SMPX: variants seen among roughly 807,000 people sequenced by gnomAD.
SMPX encodes small muscle protein X-linked.
A neutral mutation model predicts 6.3 loss-of-function variants in SMPX; 2 were observed. The ratio of observed to expected loss-of-function variants is 0.32; its 90% confidence interval spans 0.13 to 0.99. The LOEUF (loss-of-function observed/expected upper bound fraction) is 0.99, where lower values mean the gene tolerates loss of function less well. SMPX is among the 50% of genes least tolerant of loss of function. The pLI is 0.49. For missense variants in SMPX, 60 were observed against 66.8 expected (o/e 0.90, Z 0.36); for synonymous variants, 32 against 24.7 (o/e 1.30, Z -0.88).
chrX:21,734,122 C>T (rs1478796580), intron 4 of SMPX, among the ~76,000 whole-genome samples: 1 of 112,237 alleles, frequency 8.9e-6, no homozygotes, highest in Admixed American at 9.5e-5. Context: ...TTTTATCTTT[C>T]CATCAAGACT....
At chrX:21,726,150 A>G (rs772974024) in intron 4 of SMPX, among the ~76,000 whole-genome samples, 1 of 112,024 alleles carries the variant, frequency 8.9e-6, no homozygotes, top group Admixed American at 9.4e-5. Context: ...TACGTGCCAG[A>G]GCTGCAAGTG....
intron 2 of SMPX, among the ~76,000 whole-genome samples, chrX:21,748,052 A>G (rs1281969202): frequency 2.7e-5 from 3 of 112,337 alleles, no homozygotes; most frequent in Non-Finnish European, 5.6e-5. Flanking sequence ...TTTACAGAAG[A>G]CTTCAGAAAG....
At chrX:21,740,108 T>G (rs1398859410) in intron 3 of SMPX, among the ~76,000 whole-genome samples, 1 of 111,991 alleles carries the variant, frequency 8.9e-6, no homozygotes, top group East Asian at 2.8e-4. Context: ...TAATTAGACA[T>G]GATATTGACT....
chrX:21,715,257 C>G (rs898372927), intron 4 of SMPX, among the ~76,000 whole-genome samples: 1 of 97,774 alleles, frequency 1.0e-5, no homozygotes. Flanking sequence ...GTAACTCACT[C>G]TGCTCTGTGT....
intron 4 of SMPX, among the ~76,000 whole-genome samples, chrX:21,731,452 CATAATGTGTGTATGTGT>C (rs2092803314): frequency 1.1e-5 from 1 of 88,855 alleles, no homozygotes; most frequent in African/African-American, 4.1e-5. Flanking sequence ...TACACATACA[CATAATGTGTGTATGTGT>C]ACACATACAC....
At chrX:21,718,310 G>A (rs984283277) in intron 4 of SMPX, among the ~76,000 whole-genome samples, 6 of 112,205 alleles carry the variant, frequency 5.3e-5, no homozygotes, top group Admixed American at 1.9e-4. Context: ...GAAAAGAGGG[G>A]TCAAACATAT....
chrX:21,731,563 T>C lies in SMPX; in HGVS notation c.*14+5986A>G, dbSNP rs1374247203. On this transcript the variant is annotated intron_variant, in intron 4 of 4. Transcript: ENST00000379494. ...TGTGTGTATGTGTATATATACACAT[T>C]ATGTGTATATGTGTATATGTGTATA... 1.0e-3 allele frequency among the ~76,000 whole-genome samples: 43 copies of C among 41,772 alleles called. 1 individual carries two copies. The highest frequency in any genetic ancestry group is 4.8e-3 in the East Asian group (3 of 629). 36.3% of individuals were successfully genotyped at this position (41,772 alleles called of 115,157 possible).
chrX:21,707,962 T>C (rs1457050166), intron 4 of SMPX, among the ~76,000 whole-genome samples: 3 of 112,469 alleles, frequency 2.7e-5, no homozygotes, highest in Non-Finnish European at 5.6e-5. Flanking sequence ...GTTTTAAACA[T>C]TGAATTTGGG....
intron 2 of SMPX, among the ~76,000 whole-genome samples, chrX:21,745,571 A>T (rs2092820570): frequency 8.9e-6 from 1 of 112,179 alleles, no homozygotes; most frequent in Non-Finnish European, 1.9e-5. Context: ...CTGAATAAAG[A>T]AGATCAAGAC....
At chrX:21,750,177 G>T (rs2092825948) in intron 2 of SMPX, among the ~76,000 whole-genome samples, 1 of 111,613 alleles carries the variant, frequency 9.0e-6, no homozygotes, top group Admixed American at 9.5e-5. Context: ...GATGGGATTA[G>T]ATTCCCAGCA....
intron 2 of SMPX, among the ~76,000 whole-genome samples, chrX:21,750,991 G>C (rs1225697656): frequency 1.8e-5 from 2 of 112,410 alleles, no homozygotes; most frequent in Non-Finnish European, 3.8e-5. Context: ...TAACATTGCA[G>C]AGATTTGTAA....
chrX:21,756,711 T>C (rs1252160195), intron 1 of SMPX, among the ~76,000 whole-genome samples: 2 of 112,522 alleles, frequency 1.8e-5, no homozygotes, highest in Non-Finnish European at 3.8e-5. Context: ...GAATGCTTCA[T>C]CCCGGGACCA....
intron 4 of SMPX, among the ~76,000 whole-genome samples, chrX:21,717,479 T>C (rs1166533011): frequency 8.9e-6 from 1 of 112,742 alleles, no homozygotes; most frequent in Non-Finnish European, 1.9e-5. Context: ...GGGCCATTTT[T>C]AGAAATCAAT....
At chrX:21,711,002 G>A (rs1022354163) in intron 4 of SMPX, among the ~76,000 whole-genome samples, 8 of 111,653 alleles carry the variant, frequency 7.2e-5, no homozygotes, top group Non-Finnish European at 1.1e-4. Context: ...CCCCACTCCC[G>A]GGTCCCGGTA....
intron 4 of SMPX, among the ~76,000 whole-genome samples, chrX:21,711,413 G>C (rs892455463): frequency 1.3e-4 from 14 of 111,954 alleles, no homozygotes; most frequent in Non-Finnish European, 2.6e-4. Context: ...GGGGACATTT[G>C]TGAGAATGAT....
At chrX:21,714,027 C>T (rs753465663) in intron 4 of SMPX, among the ~76,000 whole-genome samples, 180 of 111,972 alleles carry the variant, frequency 1.6e-3, no homozygotes, top group Non-Finnish European at 2.7e-3. Context: ...TTTATTTTTA[C>T]ATAGCTCTTA....
intron 1 of SMPX, among the ~76,000 whole-genome samples, chrX:21,756,646 T>G (rs749574329): frequency 8.9e-5 from 10 of 112,809 alleles, no homozygotes; most frequent in Non-Finnish European, 1.3e-4. Flanking sequence ...TCCCTGCCCC[T>G]GCAGTCACCT....
At chrX:21,749,642 A>G (rs1298445768) in intron 2 of SMPX, among the ~76,000 whole-genome samples, 1 of 112,257 alleles carries the variant, frequency 8.9e-6, no homozygotes, top group African/African-American at 3.2e-5. Context: ...TACAAATTGT[A>G]TAATCCTGGG....
intron 3 of SMPX, among the ~76,000 whole-genome samples, chrX:21,741,947 C>G (rs1329462491): frequency 8.9e-6 from 1 of 112,144 alleles, no homozygotes; most frequent in Non-Finnish European, 1.9e-5. Flanking sequence ...TTTTAGAATG[C>G]ACTGCAACCA....
Sources: gnomAD v4.1 joint callset for allele counts (sites outside exome capture counted in the v4.1 genomes callset) on GRCh38, gnomAD v4.1.1 for gene constraint, MANE v1.5 for transcripts, NCBI Gene and HGNC (gene_info 2026-07-23, HGNC 2026-07-21) for gene names.